The following EIF2AK4 variants were observed in gnomAD, a reference collection of about 807,000 sequenced individuals.
EIF2AK4 encodes eukaryotic translation initiation factor 2 alpha kinase 4, also known as eIF-2-alpha kinase GCN2.
In EIF2AK4, 139 loss-of-function variants were observed where a neutral mutation model predicts 211.1. That is an observed-to-expected ratio of 0.66 (90% CI 0.57 to 0.76). The LOEUF is 0.76. Ranked by LOEUF, EIF2AK4 falls within the 30% of genes least tolerant of loss-of-function variation. EIF2AK4 has a pLI of 0.00. For missense variants in EIF2AK4, 1,664 were observed against 2,043.8 expected, an observed-to-expected ratio of 0.81 and a Z score of 3.58; for synonymous variants, 710 against 751.3, an observed-to-expected ratio of 0.94 and a Z score of 0.90.
At position 40,025,664 on chromosome 15, in the gene EIF2AK4, A is replaced by G. The variant is rs567039994; in HGVS notation, c.4390-313A>G. Among the ~76,000 whole-genome samples, 20 of 152,278 alleles carry G rather than the reference A, an allele frequency of 1.3e-4. No individual in the cohort carries two copies. The South Asian group carries it at 4.1e-3, about 32-fold the overall frequency. ...CTTGGCCTTAAAAAAAAAAAATTCT[A>G]TCATCTGTGATAAACTAGTCCAGAC... On this transcript the variant is annotated intron_variant, in intron 32 of 38. Coordinates refer to ENST00000263791, the MANE Select transcript of EIF2AK4 (RefSeq NM_001013703.4).
In EIF2AK4 at chr15:39,976,833, C is replaced by A; in HGVS notation, c.2238C>A (p.Ser746=). 6.6e-7 allele frequency: 1 copy of A among 1,522,138 alleles called. No homozygotes were observed. The allele number at this position is 1,522,138 out of a possible 1,614,324, so 94.3% of individuals were successfully genotyped here. The change falls in exon 12 of 39, where the codon TCC becomes TCA. Residue 746 remains serine (S), a synonymous_variant. Transcript: ENST00000263791. ...AGGACGAGCACGGTGGCGTCTTCTC[C>A]CAGTCCTTCCTGTAAGCGCACGGCG... ...DDEDEHGGVF[S]QSFLPASDSE...
At chr15:39,942,150 G>A (rs2034153890) in intron 2 of EIF2AK4, among the ~76,000 whole-genome samples, 1 of 152,074 alleles carries the variant, frequency 6.6e-6, no homozygotes, top group Non-Finnish European at 1.5e-5. Flanking sequence ...TTAATTTGGG[G>A]TAATATTCTT....
chr15:40,032,682 C>T (rs2035559425), intron 36 of EIF2AK4, 75 bp from the exon 37 acceptor site: 7 of 1,377,254 alleles, frequency 5.1e-6, no homozygotes, highest in Non-Finnish European at 7.2e-6. Context: ...CATACTGCTG[C>T]ATTTCACGTG....
intron 13 of EIF2AK4, among the ~76,000 whole-genome samples, chr15:39,984,332 C>T (rs756523055): frequency 6.6e-6 from 1 of 152,172 alleles, no homozygotes; most frequent in Non-Finnish European, 1.5e-5. Flanking sequence ...CTTGGCTATA[C>T]GGGCTCTTTT....
chr15:39,938,434 A>G (rs749268392), intron 1 of EIF2AK4, among the ~76,000 whole-genome samples: 1 of 152,266 alleles, frequency 6.6e-6, no homozygotes, highest in Non-Finnish European at 1.5e-5. Context: ...AGAAGAGTAC[A>G]GTGTTTATTA....
chr15:39,987,935 A>C, intron 14 of EIF2AK4, 48 bp from the exon 15 acceptor site: 1 of 1,602,630 alleles, frequency 6.2e-7, no homozygotes. Flanking sequence ...ATACTCCTTC[A>C]CTTAAAACTG....
At chr15:40,007,956 G>T in intron 24 of EIF2AK4, 71 bp from the exon 25 acceptor site, 2 of 1,208,130 alleles carry the variant, frequency 1.7e-6, no homozygotes, top group Non-Finnish European at 2.2e-6. Context: ...CTTATATCTT[G>T]TTCAACAATT....
chr15:40,013,837 C>T (rs2035270552), intron 27 of EIF2AK4, among the ~76,000 whole-genome samples: 1 of 152,216 alleles, frequency 6.6e-6, no homozygotes, highest in Non-Finnish European at 1.5e-5. Flanking sequence ...CAAAACCAAT[C>T]ATGCCTTCCT....
In EIF2AK4 at chr15:39,949,242, G is replaced by A. The variant is rs759890512; in HGVS notation, c.487G>A (p.Glu163Lys). 1 of 1,614,046 alleles carries A rather than the reference G, an allele frequency of 6.2e-7. No individual in the cohort carries two copies. The highest frequency in any genetic ancestry group is 8.5e-7 in the Non-Finnish European group (1 of 1,179,962). The change falls in exon 4 of 39, where the codon GAG (glutamate) becomes AAG (lysine). Residue 163 changes from glutamate to lysine, a missense_variant. Physicochemically the swap from Glu to Lys is moderately conservative, Grantham distance 56. Around this residue, in one of 7 missense-constraint regions of EIF2AK4, gnomAD observed 641 missense variants for 729.6 expected, o/e 0.88. Transcript: ENST00000263791. ...TCAGGAGGAGCAGCAGAGGCTGTTGGAGGCCAAGCGGAAAGAAGAGCAGGA... is the reference window on the plus strand; with the variant it reads ...TCAGGAGGAGCAGCAGAGGCTGTTGAAGGCCAAGCGGAAAGAAGAGCAGGA... The part of the protein sequence containing the change: ...RAQEEQQRLL[E>K]AKRKEEQEQR...
chr15:39,948,832 G>GA (rs1417760248), intron 3 of EIF2AK4, among the ~76,000 whole-genome samples: 1 of 152,150 alleles, frequency 6.6e-6, no homozygotes, highest in East Asian at 1.9e-4. Flanking sequence ...TTACTATAGA[G>GA]AAAATGCCAA....
At chr15:40,006,388 A>G (rs1461838795) in intron 23 of EIF2AK4, among the ~76,000 whole-genome samples, 6 of 152,356 alleles carry the variant, frequency 3.9e-5, no homozygotes, top group Admixed American at 6.5e-5. Context: ...AAATATTAGG[A>G]GACTAAAGTG....
intron 12 of EIF2AK4, 29 bp from the exon 13 acceptor site, chr15:39,978,048 TC>T (rs758532715): frequency 1.3e-6 from 2 of 1,505,310 alleles, no homozygotes; most frequent in Non-Finnish European, 1.8e-6. Context: ...GGATTTCTGT[TC>T]CTTTAGTATT....
chr15:39,993,352 G>A (rs1459817444), intron 18 of EIF2AK4, among the ~76,000 whole-genome samples: 3 of 152,116 alleles, frequency 2.0e-5, no homozygotes, highest in Non-Finnish European at 2.9e-5. Flanking sequence ...CAACAAATAA[G>A]TAAAAAATAA....
At chr15:39,972,066 A>G (rs1257131987) in intron 9 of EIF2AK4, among the ~76,000 whole-genome samples, 1 of 152,164 alleles carries the variant, frequency 6.6e-6, no homozygotes, top group African/African-American at 2.4e-5. Flanking sequence ...AGATTAAAAG[A>G]AAGTATATGA....
chr15:40,009,910 C>T (rs2035213330), intron 26 of EIF2AK4, among the ~76,000 whole-genome samples, 180 bp downstream of exon 26: 1 of 152,190 alleles, frequency 6.6e-6, no homozygotes, highest in Non-Finnish European at 1.5e-5. Context: ...CAACAGTTAA[C>T]AAGTATTGGT....
At chr15:40,015,913 C>A (rs976512629) in intron 27 of EIF2AK4, among the ~76,000 whole-genome samples, 6 of 152,222 alleles carry the variant, frequency 3.9e-5, no homozygotes, top group African/African-American at 1.4e-4. Context: ...TCAATCATCT[C>A]TAGCCACTGA....
intron 9 of EIF2AK4, 74 bp from the exon 10 acceptor site, chr15:39,972,834 A>T (rs978436068): frequency 1.7e-6 from 2 of 1,173,654 alleles, no homozygotes; most frequent in African/African-American, 1.5e-5. Flanking sequence ...ATAAACCCAT[A>T]GTTAATGCCT....
intron 13 of EIF2AK4, among the ~76,000 whole-genome samples, chr15:39,979,915 A>G (rs2034757030): frequency 6.6e-6 from 1 of 152,204 alleles, no homozygotes; most frequent in African/African-American, 2.4e-5. Flanking sequence ...TACAAGCAAA[A>G]AGAAAAAGGA....
chr15:39,986,480 C>T (rs1410214484), intron 14 of EIF2AK4, among the ~76,000 whole-genome samples: 1 of 152,256 alleles, frequency 6.6e-6, no homozygotes, highest in Non-Finnish European at 1.5e-5. Flanking sequence ...ACTGAGAAGT[C>T]TGAGCTTTGG....
Sources: allele counts gnomAD v4.1 joint callset (sites outside exome capture counted in the v4.1 genomes callset), GRCh38; gene constraint gnomAD v4.1.1; regional missense constraint gnomAD v4.1.1; transcripts MANE v1.5; gene names NCBI Gene and HGNC (gene_info 2026-07-23, HGNC 2026-07-21).